The following BCL9 variants were observed in gnomAD, a reference collection of about 807,000 sequenced individuals.
BCL9 encodes the protein BCL9 transcription coactivator, also known as B-cell CLL/lymphoma 9 protein.
BCL9 carries 25 observed loss-of-function variants against 88.5 expected under a neutral mutation model. The ratio of observed to expected loss-of-function variants is 0.28; its 90% confidence interval spans 0.21 to 0.39. The LOEUF is 0.39. BCL9 is among the 10% of genes least tolerant of loss of function. BCL9 has a pLI of 1.00. For missense variants in BCL9, 1,817 were observed against 1,877.8 expected, an observed-to-expected ratio of 0.97 and a Z score of 0.60; for synonymous variants, 711 against 673.3, an observed-to-expected ratio of 1.06 and a Z score of -0.87.
rs781795537 is a variant in BCL9 at position 147,619,446 on chromosome 1, G to A, written c.1291G>A (p.Gly431Ser). 2 of 1,614,082 alleles carry A rather than the reference G, an allele frequency of 1.2e-6. No homozygotes were observed. The highest frequency in any genetic ancestry group is 8.5e-7 in the Non-Finnish European group (1 of 1,180,018). The change falls in exon 8 of 10, where the codon GGC (glycine) becomes AGC (serine). Residue 431 changes from glycine to serine, a missense_variant. Around this residue, in one of 2 missense-constraint regions of BCL9, gnomAD observed 1,228 missense variants for 1,191.6 expected, o/e 1.03. Transcript: ENST00000234739. The surrounding 1 kb of genome is among the most constrained non-coding windows in gnomAD (Gnocchi z 4.1). ...CCGGACAGACGTGGGAGCTCCATTT[G>A]GCCCTCAAGGACATAGAGATGTACC... ...GPRTDVGAPF[G>S]PQGHRDVPFS...
chr1:147,582,553 C>T (rs1175660631), intron 1 of BCL9, among the ~76,000 whole-genome samples: 3 of 152,110 alleles, frequency 2.0e-5, no homozygotes, highest in Non-Finnish European at 4.4e-5. Flanking sequence ...GACCCGAGGG[C>T]CGAATCTGTC....
chr1:147,577,902 T>A lies in BCL9; in HGVS notation c.-477-26875T>A, dbSNP rs953236420. Among the ~76,000 whole-genome samples the A allele has an allele frequency of 2.0e-5, 3 of 151,942 alleles. No individual in the cohort carries two copies. In the East Asian group the frequency reaches 5.8e-4, roughly 29 times the overall value. ...TGTCTTCATGATATCAAGCTCTGAA[T>A]GAATGTGGCTATAATTGATATGACA... On this transcript the variant is annotated intron_variant, in intron 1 of 9. Transcript: ENST00000234739.
rs143648637 is a variant in BCL9 at position 147,614,511 on chromosome 1, G to A, written c.455G>A (p.Arg152Lys). Residue 152 changes from arginine (R) to lysine (K), a missense_variant, in exon 6 of 10, where the codon AGG becomes AAG. By Grantham distance (26) the Arg-to-Lys change is conservative. This residue lies in a region of BCL9 where 1,228 missense variants were observed against 1,191.6 expected (regional missense o/e 1.03). Coordinates refer to ENST00000234739, the MANE Select transcript of BCL9 (RefSeq NM_004326.4). The stretch of plus-strand genomic sequence containing the variant: ...ACCCCATCAAATGCTACAGCCCCCA[G>A]GTCTTCTACCCCCTCCCATGGCCAA... ...SMTPSNATAP[R>K]SSTPSHGQTT... The A allele has an allele frequency of 2.6e-5, 42 of 1,613,782 alleles. No individual in the cohort carries two copies. The African/African-American group carries it at 5.1e-4, about 20-fold the overall frequency.
Position 147,542,811 on chromosome 1 carries a change from A to G in BCL9, c.-478+1137A>G, listed in dbSNP as rs116592734. Among the ~76,000 whole-genome samples, 346 of 152,250 alleles carry G rather than the reference A, an allele frequency of 2.3e-3. 1 individual carries two copies. Among genetic ancestry groups the G allele is most frequent in the African/African-American group, 7.8e-3 (323 of 41,534 alleles). ...GGTCAATGTAAGATGCTTGAGCGAG[A>G]AAATGTGCCTCCTGGTATAGTAGTT... On this transcript the variant is annotated intron_variant, in intron 1 of 9. Coordinates refer to ENST00000234739, the MANE Select transcript of BCL9 (RefSeq NM_004326.4).
At chr1:147,563,950 C>A (rs1553196396) in intron 1 of BCL9, among the ~76,000 whole-genome samples, 1 of 152,146 alleles carries the variant, frequency 6.6e-6, no homozygotes, top group Non-Finnish European at 1.5e-5. Context: ...ATCCTTTGAA[C>A]TGTGTGAGAT....
rs782802308 is a variant in BCL9, at chr1:147,619,183, C to G, written c.1028C>G (p.Thr343Arg). 2.5e-6 allele frequency: 4 copies of G among 1,613,496 alleles called. No individual in the cohort carries two copies. In the African/African-American group the frequency reaches 5.3e-5, roughly 22 times the overall value. The change falls in exon 8 of 10, where the codon ACA (threonine) becomes AGA (arginine). Residue 343 changes from threonine to arginine, a missense_variant. By Grantham distance (71) the Thr-to-Arg change is moderately conservative. Coordinates refer to ENST00000234739, the MANE Select transcript of BCL9 (RefSeq NM_004326.4). This position sits in a 1 kb window ranked among gnomAD's most constrained non-coding sequence, Gnocchi z 4.1. ...CCAGTGTCCAGTGGCGAGCCCCCCA[C>G]ACTGGGAGAGAATCCCGATGGCCTA... ...PPPVSSGEPP[T>R]LGENPDGLSQ...
intron 1 of BCL9, among the ~76,000 whole-genome samples, chr1:147,544,650 T>C (rs1654475860): frequency 6.6e-6 from 1 of 152,130 alleles, no homozygotes; most frequent in African/African-American, 2.4e-5. Flanking sequence ...ATTATCACTG[T>C]CATCTTGGAA....
chr1:147,580,319 C>T (rs1656310881), intron 1 of BCL9, among the ~76,000 whole-genome samples: 1 of 152,180 alleles, frequency 6.6e-6, no homozygotes, highest in Admixed American at 6.5e-5. Flanking sequence ...ACCTAACACA[C>T]ATCTGAATGT....
At chr1:147,566,707 A>T (rs373183747) in intron 1 of BCL9, among the ~76,000 whole-genome samples, 1 of 152,020 alleles carries the variant, frequency 6.6e-6, no homozygotes, top group African/African-American at 2.4e-5. Context: ...AGTGAGCCGA[A>T]ATCGCGCCAC....
chr1:147,603,550 G>T (rs752933307), intron 1 of BCL9, among the ~76,000 whole-genome samples: 1 of 152,212 alleles, frequency 6.6e-6, no homozygotes, highest in Non-Finnish European at 1.5e-5. Flanking sequence ...TGCCCAGGCT[G>T]GAGTGCAGTG....
Position 147,614,514 on chromosome 1 carries a change from C to CT in BCL9, c.460dup (p.Ser154PhefsTer30). The CT allele has an allele frequency of 6.2e-7, 1 of 1,613,734 alleles. No homozygotes were observed. The highest frequency in any genetic ancestry group is 8.5e-7 in the Non-Finnish European group (1 of 1,179,730). ...CCATCAAATGCTACAGCCCCCAGGT[C>CT]TTCTACCCCCTCCCATGGCCAAACT... is the stretch of plus-strand genomic sequence containing the variant. On this transcript the variant is annotated frameshift_variant, in exon 6 of 10. Coordinates refer to ENST00000234739, the MANE Select transcript of BCL9 (RefSeq NM_004326.4). LOFTEE classifies it high-confidence loss of function.
At chr1:147,596,387 G>T in intron 1 of BCL9, among the ~76,000 whole-genome samples, 1 of 148,852 alleles carries the variant, frequency 6.7e-6, no homozygotes, top group Non-Finnish European at 1.5e-5. Context: ...AAAGTCAAGA[G>T]ATTAGATTGA....
intron 1 of BCL9, among the ~76,000 whole-genome samples, chr1:147,565,124 G>A (rs984493674): frequency 5.3e-4 from 81 of 152,228 alleles, no homozygotes; most frequent in Non-Finnish European, 5.4e-4. Flanking sequence ...CTTTAGCCAT[G>A]ATAAAACCAA....
intron 6 of BCL9, 47 bp from the exon 7 acceptor site, chr1:147,615,756 G>A: frequency 1.3e-6 from 2 of 1,496,110 alleles, no homozygotes; most frequent in Admixed American, 1.7e-5. Context: ...TACAGTTAGT[G>A]AAATAGAAAC....
intron 1 of BCL9, among the ~76,000 whole-genome samples, chr1:147,595,130 T>C (rs1471060613): frequency 1.3e-5 from 2 of 152,226 alleles, no homozygotes; most frequent in African/African-American, 4.8e-5. Flanking sequence ...AAGTGGTAAG[T>C]AAAGATATTC....
In BCL9 at chr1:147,611,566, CT is replaced by C; in HGVS notation, c.-259-8del. 3 of 482,836 alleles carry C rather than the reference CT, an allele frequency of 6.2e-6. No individual in the cohort carries two copies. Among genetic ancestry groups the C allele is most frequent in the African/African-American group, 1.9e-5 (1 of 52,340 alleles). 29.9% of individuals were successfully genotyped at this position (482,836 alleles called of 1,614,324 possible). On this transcript the variant is annotated splice_polypyrimidine_tract_variant and intron_variant, in intron 3 of 9. Transcript: ENST00000234739. ...TTGCTCCCAACTTTTTTTGGGTGGC[CT>C]TTTCCTGTAGTATGCCCTGGAGATG...
At chr1:147,621,082 T>A in intron 8 of BCL9, 25 bp downstream of exon 8, 1 of 1,587,988 alleles carries the variant, frequency 6.3e-7, no homozygotes, top group Non-Finnish European at 8.6e-7. Context: ...ATCCTCACAG[T>A]TGCACCTAGT....
In BCL9 at chr1:147,615,826, G is replaced by T; in HGVS notation, c.584G>T (p.Gly195Val). The T allele has an allele frequency of 6.2e-7, 1 of 1,614,116 alleles. No homozygotes were observed. Among genetic ancestry groups the T allele is most frequent in the East Asian group, 2.2e-5 (1 of 44,878 alleles). Residue 195 changes from glycine (G) to valine (V), a missense_variant, in exon 7 of 10, where the codon GGC becomes GTC. Transcript: ENST00000234739. ...AGAGCTGCAGAAGCTGTTTTGAAGG[G>T]CCAGGTTGAAACTATCGTCTCTTTC... Reference protein sequence around the residue: ...ANKAAEAVLKGQVETIVSFHI... With the variant: ...ANKAAEAVLKVQVETIVSFHI...
At chr1:147,622,577 G>A (rs1553205643) in intron 9 of BCL9, 46 bp downstream of exon 9, 1 of 1,607,364 alleles carries the variant, frequency 6.2e-7, no homozygotes, top group Non-Finnish European at 8.5e-7. Flanking sequence ...CTAGACCAAA[G>A]AGAAACCTCT....
Sources: gnomAD v4.1 joint callset for allele counts (sites outside exome capture counted in the v4.1 genomes callset) on GRCh38, gnomAD v4.1.1 for gene constraint, gnomAD v4.1.1 regional missense constraint, Gnocchi (gnomAD v3.1) non-coding constraint, MANE v1.5 for transcripts, NCBI Gene and HGNC (gene_info 2026-07-23, HGNC 2026-07-21) for gene names.